The following ANKRD17 variants were observed in gnomAD, a reference collection of about 807,000 sequenced individuals.
The protein encoded by ANKRD17 is ankyrin repeat domain-containing protein 17.
A neutral mutation model predicts 229.7 loss-of-function variants in ANKRD17; 19 were observed. The ratio of observed to expected loss-of-function variants is 0.08; its 90% CI spans 0.06 to 0.12. The LOEUF (loss-of-function observed/expected upper bound fraction) is 0.12, where lower values mean the gene tolerates loss of function less well. Ranked by LOEUF, ANKRD17 falls within the 10% of genes least tolerant of loss-of-function variation. ANKRD17 has a pLI of 1.00. For synonymous variants in ANKRD17, 1,112 were observed against 1,146.1 expected (o/e 0.97, Z 0.60); for missense variants, 2,176 against 3,176.8 (o/e 0.68, Z 7.57).
intron 1 of ANKRD17, among the ~76,000 whole-genome samples, chr4:73,240,150 A>G (rs574700528): frequency 1.1e-4 from 17 of 152,348 alleles, no homozygotes; most frequent in African/African-American, 3.8e-4. Flanking sequence ...TCAAGTTCAA[A>G]GACAACCTAA....
intron 1 of ANKRD17, among the ~76,000 whole-genome samples, chr4:73,189,854 T>C (rs1736813957): frequency 6.6e-6 from 1 of 152,146 alleles, no homozygotes; most frequent in Admixed American, 6.5e-5. Flanking sequence ...CTAACACCAG[T>C]GTGTGACATA....
chr4:73,225,861 CAAAAA>C lies in ANKRD17; in HGVS notation c.393+32410_393+32414del, dbSNP rs375866026. On this transcript the variant is annotated intron_variant, in intron 1 of 33. Transcript: ENST00000358602. ...TGGGCAACAGGGCAAGACTCTGTCTCAAAAAAAAAAAAAAAAAAAAAAAAGAAAGA... is the reference window on the plus strand; with the variant it reads ...TGGGCAACAGGGCAAGACTCTGTCTCAAAAAAAAAAAAAAAAAAAGAAAGA... Among the ~76,000 whole-genome samples, 170 of 66,704 alleles carry C rather than the reference CAAAAA, an allele frequency of 2.5e-3. 2 individuals are homozygous for C. The highest frequency in any genetic ancestry group is 8.6e-3 in the African/African-American group (155 of 17,934). 43.8% of individuals were successfully genotyped at this position (66,704 alleles called of 152,430 possible).
chr4:73,176,270 T>C (rs1734721680), intron 2 of ANKRD17, among the ~76,000 whole-genome samples: 1 of 152,114 alleles, frequency 6.6e-6, no homozygotes, highest in Admixed American at 6.6e-5. Flanking sequence ...TCACACCAGT[T>C]AAAATGACTT....
chr4:73,174,627 A>T (rs1177644558), intron 2 of ANKRD17, among the ~76,000 whole-genome samples: 1 of 152,224 alleles, frequency 6.6e-6, no homozygotes, highest in Non-Finnish European at 1.5e-5. Context: ...ATAAGGAAGA[A>T]GTCAAATTAT....
At chr4:73,122,809 C>T (rs1413143555) in intron 18 of ANKRD17, among the ~76,000 whole-genome samples, 9 of 151,978 alleles carry the variant, frequency 5.9e-5, no homozygotes, top group Non-Finnish European at 1.3e-4. Flanking sequence ...AAAAATATAG[C>T]GTTAGGCTAT....
intron 3 of ANKRD17, among the ~76,000 whole-genome samples, chr4:73,158,073 A>G (rs577556858): frequency 6.6e-5 from 10 of 151,832 alleles, no homozygotes; most frequent in African/African-American, 2.2e-4. Context: ...TCTGTGTGAC[A>G]GAGTGAGACT....
rs776081445 is a variant in ANKRD17, at chr4:73,147,332, T to C, written c.1668A>G (p.Ala556=). Residue 556 remains alanine, a synonymous_variant, in exon 9 of 34, where the codon GCA becomes GCG. Coordinates refer to ENST00000358602, the MANE Select transcript of ANKRD17 (RefSeq NM_032217.5). Reference sequence around the variant, plus strand: ...AACACCCTAGTTCTATATCGGCTCCTGCCTTAATTAGAAAGTCTGCCACTT... The same window carrying C: ...AACACCCTAGTTCTATATCGGCTCCCGCCTTAATTAGAAAGTCTGCCACTT... ...FLEVADFLIK[A]GADIELGCST... 2.5e-6 allele frequency: 4 copies of C among 1,610,282 alleles called. No homozygotes were observed. The highest frequency in any genetic ancestry group is 3.4e-6 in the Non-Finnish European group (4 of 1,177,898).
rs1250782311 is a variant in ANKRD17, at chr4:73,091,136, C to A, written c.6492G>T (p.Met2164Ile). 4 of 1,614,072 alleles carry A rather than the reference C, an allele frequency of 2.5e-6. No individual in the cohort carries two copies. Among genetic ancestry groups the A allele is most frequent in the Non-Finnish European group, 3.4e-6 (4 of 1,180,028 alleles). Residue 2164 changes from methionine (M) to isoleucine (I), a missense_variant, in exon 29 of 34, where the codon ATG becomes ATT. By Grantham distance (10) the Met-to-Ile change is conservative. Transcript: ENST00000358602. ...PVTYPMPQTP[M>I]GCPQPTPKME... Reference sequence around the variant, plus strand: ...TTTTAGGAGTAGGCTGGGGGCATCCCATTGGTGTCTGAGGCATAGGGTAAG... The same window carrying A: ...TTTTAGGAGTAGGCTGGGGGCATCCAATTGGTGTCTGAGGCATAGGGTAAG...
At chr4:73,246,765 T>TAATAACATGTAATAACATGTA (rs1476517024) in intron 1 of ANKRD17, among the ~76,000 whole-genome samples, 1 of 152,098 alleles carries the variant, frequency 6.6e-6, no homozygotes, top group East Asian at 1.9e-4. Flanking sequence ...GAGAAGGTGG[T>TAATAACATGTAATAACATGTA]ATTACATGAG....
intron 1 of ANKRD17, among the ~76,000 whole-genome samples, chr4:73,213,056 A>G (rs2149167237): frequency 6.6e-6 from 1 of 151,364 alleles, no homozygotes; most frequent in Admixed American, 6.6e-5. Context: ...AAGAAATATA[A>G]GAATTTAGAA....
intron 30 of ANKRD17, among the ~76,000 whole-genome samples, chr4:73,080,990 C>T (rs1268166903): frequency 6.6e-6 from 1 of 152,210 alleles, no homozygotes; most frequent in Non-Finnish European, 1.5e-5. Context: ...CGCTGAGCTG[C>T]GCCATTTAAG....
intron 30 of ANKRD17, 26 bp downstream of exon 30, chr4:73,085,223 A>T: frequency 6.2e-7 from 1 of 1,602,752 alleles, no homozygotes; most frequent in Non-Finnish European, 8.5e-7. Flanking sequence ...GCAGATTCTT[A>T]TGGAATTACG....
At chr4:73,159,383 G>A (rs1213171115) in intron 3 of ANKRD17, among the ~76,000 whole-genome samples, 1 of 151,990 alleles carries the variant, frequency 6.6e-6, no homozygotes, top group African/African-American at 2.4e-5. Context: ...ATTTCCATGT[G>A]TGTATACCAG....
At chr4:73,160,267 A>G (rs972922693) in intron 3 of ANKRD17, among the ~76,000 whole-genome samples, 19 of 146,412 alleles carry the variant, frequency 1.3e-4, no homozygotes, top group Non-Finnish European at 3.0e-5. Context: ...TGCCCAGGCT[A>G]AAGTGCAATG....
At chr4:73,202,465 A>T (rs1232185925) in intron 1 of ANKRD17, among the ~76,000 whole-genome samples, 1 of 152,074 alleles carries the variant, frequency 6.6e-6, no homozygotes, top group Admixed American at 6.6e-5. Flanking sequence ...ACTATTGAGG[A>T]GCTGTAAACT....
At chr4:73,096,156 C>T (rs1027321068) in intron 27 of ANKRD17, among the ~76,000 whole-genome samples, 2 of 152,154 alleles carry the variant, frequency 1.3e-5, no homozygotes, top group African/African-American at 4.8e-5. Flanking sequence ...GGCATGATCC[C>T]TGTTCTCTAT....
chr4:73,217,700 C>T (rs1741264865), intron 1 of ANKRD17, among the ~76,000 whole-genome samples: 1 of 151,980 alleles, frequency 6.6e-6, no homozygotes, highest in Admixed American at 6.6e-5. Flanking sequence ...TGACATAATG[C>T]CACAAGTGAA....
intron 2 of ANKRD17, among the ~76,000 whole-genome samples, chr4:73,169,501 A>G (rs1370139930): frequency 6.6e-6 from 1 of 151,986 alleles, no homozygotes; most frequent in African/African-American, 2.4e-5. Flanking sequence ...TGGCTTCACC[A>G]CTGAGATAGA....
At chr4:73,255,064 G>A (rs188272904) in intron 1 of ANKRD17, among the ~76,000 whole-genome samples, 137 of 152,264 alleles carry the variant, frequency 9.0e-4, no homozygotes, top group Non-Finnish European at 1.7e-3. Flanking sequence ...AAATAGATGG[G>A]GAGAGGGAGG....
Sources: allele counts gnomAD v4.1 joint callset (sites outside exome capture counted in the v4.1 genomes callset), GRCh38; gene constraint gnomAD v4.1.1; transcripts MANE v1.5; gene names NCBI Gene and HGNC (gene_info 2026-07-23, HGNC 2026-07-21).